The following NTM variants were observed in gnomAD, a reference collection of about 807,000 sequenced individuals.
NTM encodes the protein neurotrimin, also known as IgLON family member 2.
A neutral mutation model predicts 42.1 loss-of-function variants in NTM; 13 were observed. The ratio of observed to expected loss-of-function variants is 0.31; its 90% confidence interval spans 0.20 to 0.49. The LOEUF (loss-of-function observed/expected upper bound fraction) is 0.49, where lower values mean the gene tolerates loss of function less well. NTM is among the 20% of genes least tolerant of loss of function. The pLI is 0.99. For missense variants in NTM, 373 were observed against 452.8 expected, an observed-to-expected ratio of 0.82 and a Z score of 1.60; for synonymous variants, 187 against 179.2, an observed-to-expected ratio of 1.04 and a Z score of -0.35.
chr11:132,010,139 T>C (rs970428101), intron 2 of NTM, among the ~76,000 whole-genome samples: 5 of 152,230 alleles, frequency 3.3e-5, no homozygotes, highest in African/African-American at 1.2e-4. Context: ...ATGTAATACC[T>C]CAGCAGCTTC....
chr11:132,040,077 T>A (rs575601373), intron 2 of NTM, among the ~76,000 whole-genome samples: 1 of 148,880 alleles, frequency 6.7e-6, no homozygotes, highest in African/African-American at 2.5e-5. Flanking sequence ...TACAGATGCA[T>A]GCTACCACGT....
At chr11:131,496,383 C>A (rs1168028819) in intron 1 of NTM, among the ~76,000 whole-genome samples, 1 of 152,246 alleles carries the variant, frequency 6.6e-6, no homozygotes, top group Non-Finnish European at 1.5e-5. Context: ...CCCTACCTTT[C>A]TCTCTGGGTG....
At chr11:131,476,631 C>T (rs2136209462) in intron 1 of NTM, among the ~76,000 whole-genome samples, 1 of 152,136 alleles carries the variant, frequency 6.6e-6, no homozygotes, top group African/African-American at 2.4e-5. Context: ...ACAGCTGCCC[C>T]TATAAAGGAT....
chr11:132,183,982 A>G (rs1318151790), intron 3 of NTM, among the ~76,000 whole-genome samples: 1 of 151,958 alleles, frequency 6.6e-6, no homozygotes, highest in Admixed American at 6.6e-5. Context: ...ATCCTTCAGA[A>G]AAAAGGACCG....
chr11:131,511,982 A>G (rs559332739), intron 1 of NTM, among the ~76,000 whole-genome samples: 5 of 152,282 alleles, frequency 3.3e-5, no homozygotes, highest in African/African-American at 1.2e-4. Context: ...TAGTGAAGCC[A>G]GCGCCACCTG....
intron 1 of NTM, among the ~76,000 whole-genome samples, chr11:131,674,393 T>A (rs1315788023): frequency 3.3e-5 from 5 of 152,244 alleles, no homozygotes; most frequent in African/African-American, 1.2e-4. Flanking sequence ...TTGGTGTTTG[T>A]GGCTTAGCGG....
intron 1 of NTM, among the ~76,000 whole-genome samples, chr11:131,477,818 AG>A (rs1335927027): frequency 1.3e-5 from 2 of 151,504 alleles, no homozygotes; most frequent in Admixed American, 6.6e-5. Flanking sequence ...CTTGTCCATC[AG>A]AAGTCCAACT....
chr11:132,126,131 G>A (rs1373429619), intron 2 of NTM, among the ~76,000 whole-genome samples: 1 of 152,118 alleles, frequency 6.6e-6, no homozygotes, highest in Non-Finnish European at 1.5e-5. Context: ...AACGAGTGCA[G>A]AAATACAAAC....
chr11:132,069,108 T>C (rs1283619446), intron 2 of NTM, among the ~76,000 whole-genome samples: 1 of 151,278 alleles, frequency 6.6e-6, no homozygotes, highest in Non-Finnish European at 1.5e-5. Context: ...AAACTGACGA[T>C]CACAGGTTAG....
intron 1 of NTM, among the ~76,000 whole-genome samples, chr11:131,395,792 T>C (rs988082310): frequency 2.0e-5 from 3 of 152,218 alleles, no homozygotes; most frequent in Non-Finnish European, 4.4e-5. Flanking sequence ...ATTTCCTCTG[T>C]TCTTTTTCTC....
At chr11:131,919,891 C>T (rs2056971383) in intron 2 of NTM, among the ~76,000 whole-genome samples, 1 of 152,056 alleles carries the variant, frequency 6.6e-6, no homozygotes, top group Non-Finnish European at 1.5e-5. Flanking sequence ...GACAAATCCC[C>T]CTTTGTCCAC....
chr11:131,741,162 TGAGAGAGA>T (rs71067330), intron 1 of NTM, among the ~76,000 whole-genome samples: 2,012 of 129,696 alleles, frequency 0.016, 33 homozygotes, highest in East Asian at 0.058. Flanking sequence ...AAGACCCCGT[TGAGAGAGA>T]GAGAGAGAGA....
At chr11:132,013,038 A>T (rs2072580987) in intron 2 of NTM, among the ~76,000 whole-genome samples, 1 of 152,182 alleles carries the variant, frequency 6.6e-6, no homozygotes, top group African/African-American at 2.4e-5. Context: ...GGAGCAGTTC[A>T]CATACAGATC....
chr11:131,457,257 G>T (rs1950977718), intron 1 of NTM, among the ~76,000 whole-genome samples: 1 of 152,162 alleles, frequency 6.6e-6, no homozygotes. Context: ...TTTAGATAGG[G>T]TGGATGGGAG....
chr11:131,713,745 T>A (rs1471406699), intron 1 of NTM, among the ~76,000 whole-genome samples: 1 of 152,150 alleles, frequency 6.6e-6, no homozygotes, highest in African/African-American at 2.4e-5. Context: ...CAACCTCAAT[T>A]TTTGCCTCCT....
intron 4 of NTM, among the ~76,000 whole-genome samples, chr11:132,228,823 T>A (rs1458750023): frequency 1.3e-5 from 2 of 152,136 alleles, no homozygotes; most frequent in African/African-American, 4.8e-5. Context: ...CACTCAGGTG[T>A]TGTCATGGCA....
At chr11:131,448,858 G>A (rs1218930667) in intron 1 of NTM, among the ~76,000 whole-genome samples, 1 of 152,202 alleles carries the variant, frequency 6.6e-6, no homozygotes, top group African/African-American at 2.4e-5. Context: ...CAGCTGGACT[G>A]TAATAGAGTG....
chr11:131,865,008 C>A (rs1247627016), intron 1 of NTM, among the ~76,000 whole-genome samples: 1 of 152,224 alleles, frequency 6.6e-6, no homozygotes, highest in Non-Finnish European at 1.5e-5. Flanking sequence ...CCACCTCCAG[C>A]ACCATTCTGT....
chr11:131,709,553 G>C (rs1300788641), intron 1 of NTM, among the ~76,000 whole-genome samples: 1 of 152,166 alleles, frequency 6.6e-6, no homozygotes, highest in African/African-American at 2.4e-5. Context: ...TTTGGCCTTG[G>C]CACTTGAAAG....
Sources: gnomAD v4.1 joint callset for allele counts (sites outside exome capture counted in the v4.1 genomes callset) on GRCh38, gnomAD v4.1.1 for gene constraint, MANE v1.5 for transcripts, NCBI Gene and HGNC (gene_info 2026-07-23, HGNC 2026-07-21) for gene names.